Variants in CCSER1 observed in about 807,000 individuals in gnomAD.
CCSER1 encodes coiled-coil serine rich protein 1, also known as serine-rich coiled-coil domain-containing protein 1.
A neutral mutation model predicts 82.0 loss-of-function variants in CCSER1; 41 were observed. The observed-to-expected ratio is 0.50, with a 90% CI of 0.39 to 0.65. CCSER1 has a LOEUF of 0.65. Among genes scored for constraint, CCSER1 ranks in the 30% least tolerant of loss-of-function variants. The pLI is 0.00. For missense variants in CCSER1, 1,119 were observed against 1,064.2 expected (o/e 1.05, Z -0.72); for synonymous variants, 414 against 383.9 (o/e 1.08, Z -0.92).
intron 10 of CCSER1, among the ~76,000 whole-genome samples, chr4:91,411,485 T>TATAGAC (rs1753018871): frequency 2.0e-5 from 1 of 50,450 alleles, no homozygotes; most frequent in Non-Finnish European, 4.4e-5. Flanking sequence ...AATTTCTGCA[T>TATAGAC]ATATACATAT....
intron 1 of CCSER1, among the ~76,000 whole-genome samples, chr4:90,279,055 T>A (rs1045798397): frequency 2.6e-5 from 4 of 152,070 alleles, no homozygotes; most frequent in Admixed American, 2.6e-4. Flanking sequence ...TACATTATAT[T>A]CTATAATGGC....
At position 91,507,489 on chromosome 4, in the gene CCSER1, C is replaced by T. The variant is rs556122419; in HGVS notation, c.2218-91083C>T. Among the ~76,000 whole-genome samples, 15 of 151,974 alleles carry T rather than the reference C, an allele frequency of 9.9e-5. No individual in the cohort carries two copies. In the South Asian group the frequency reaches 1.5e-3, roughly 15 times the overall value. The stretch of plus-strand genomic sequence containing the variant: ...TGTTGCCCTGGCTGGAGTGCAGTGA[C>T]GCGATCTCGGCTCACTGCAAGCTCT... On this transcript the variant is annotated intron_variant, in intron 10 of 10. Transcript: ENST00000509176.
At chr4:90,466,202 G>T (rs570476688) in intron 4 of CCSER1, among the ~76,000 whole-genome samples, 1 of 152,164 alleles carries the variant, frequency 6.6e-6, no homozygotes, top group Non-Finnish European at 1.5e-5. Flanking sequence ...AAATAATGTG[G>T]GTAGGCCTCA....
intron 7 of CCSER1, among the ~76,000 whole-genome samples, chr4:90,808,903 G>A (rs1422230587): frequency 6.6e-6 from 1 of 152,074 alleles, no homozygotes; most frequent in Non-Finnish European, 1.5e-5. Flanking sequence ...CTACCCAAAG[G>A]AAAAGAAATC....
At chr4:90,775,414 G>A (rs1054421202) in intron 7 of CCSER1, among the ~76,000 whole-genome samples, 5 of 152,172 alleles carry the variant, frequency 3.3e-5, no homozygotes. Flanking sequence ...CAGTTTTACA[G>A]TAAAAGAGAT....
chr4:90,800,932 G>A (rs1235171590), intron 7 of CCSER1, among the ~76,000 whole-genome samples: 1 of 152,080 alleles, frequency 6.6e-6, no homozygotes, highest in African/African-American at 2.4e-5. Flanking sequence ...GACTTGAGTA[G>A]TGTTTTTATA....
intron 10 of CCSER1, among the ~76,000 whole-genome samples, chr4:91,423,562 C>A (rs1172553258): frequency 6.6e-6 from 1 of 152,034 alleles, no homozygotes; most frequent in Non-Finnish European, 1.5e-5. Flanking sequence ...AAAGAACAGG[C>A]TTGAAACTAA....
intron 10 of CCSER1, among the ~76,000 whole-genome samples, chr4:91,588,462 G>A (rs953294032): frequency 4.0e-5 from 6 of 151,608 alleles, no homozygotes; most frequent in Non-Finnish European, 8.9e-5. Flanking sequence ...TAACTTGTAT[G>A]TAATGATATT....
rs549375105 is a variant in CCSER1, at chr4:90,881,469, G to T, written c.2095-41901G>T. 2.0e-5 allele frequency among the ~76,000 whole-genome samples: 3 copies of T among 152,254 alleles called. No homozygotes were observed. The South Asian group carries it at 6.2e-4, about 32-fold the overall frequency. ...TCCTTATGATTATCCTCAATTTAAA[G>T]AAAAACATATGTACACACACTGCCA... On this transcript the variant is annotated intron_variant, in intron 8 of 10. Transcript: ENST00000509176.
intron 10 of CCSER1, among the ~76,000 whole-genome samples, chr4:91,220,118 C>T (rs1737617255): frequency 6.6e-6 from 1 of 152,144 alleles, no homozygotes; most frequent in Non-Finnish European, 1.5e-5. Context: ...AACTGTTGAA[C>T]TATACTGGGC....
At chr4:91,116,544 G>C (rs1252360891) in intron 10 of CCSER1, among the ~76,000 whole-genome samples, 1 of 152,162 alleles carries the variant, frequency 6.6e-6, no homozygotes, top group African/African-American at 2.4e-5. Context: ...GACAGTTGTG[G>C]TATCTACTTC....
At chr4:91,580,441 T>G (rs1364837863) in intron 10 of CCSER1, among the ~76,000 whole-genome samples, 2 of 151,716 alleles carry the variant, frequency 1.3e-5, no homozygotes, top group Non-Finnish European at 2.9e-5. Flanking sequence ...CACTTTTATA[T>G]ATGTGGAAAT....
At chr4:90,979,822 C>T (rs2150417817) in intron 9 of CCSER1, among the ~76,000 whole-genome samples, 1 of 151,806 alleles carries the variant, frequency 6.6e-6, no homozygotes, top group Admixed American at 6.6e-5. Context: ...AAGATACTCT[C>T]CCTGTGTTAA....
At chr4:91,458,376 A>G (rs765577940) in intron 10 of CCSER1, among the ~76,000 whole-genome samples, 32 of 152,092 alleles carry the variant, frequency 2.1e-4, no homozygotes, top group Non-Finnish European at 1.0e-4. Flanking sequence ...CCATTGGTCT[A>G]TGTGTCTATC....
At chr4:91,559,098 C>T (rs1455640356) in intron 10 of CCSER1, among the ~76,000 whole-genome samples, 2 of 151,382 alleles carry the variant, frequency 1.3e-5, no homozygotes, top group Non-Finnish European at 3.0e-5. Context: ...AAGTATGTGT[C>T]ATCTAATATT....
intron 10 of CCSER1, among the ~76,000 whole-genome samples, chr4:91,554,117 T>C (rs1394781196): frequency 6.6e-6 from 1 of 151,712 alleles, no homozygotes; most frequent in Non-Finnish European, 1.5e-5. Flanking sequence ...ACGTATTGAT[T>C]TTCCTTTTGA....
chr4:91,171,154 A>G (rs1320028453), intron 10 of CCSER1, among the ~76,000 whole-genome samples: 1 of 152,218 alleles, frequency 6.6e-6, no homozygotes, highest in East Asian at 1.9e-4. Context: ...CATTCAAAAC[A>G]GGGCTCTAAA....
At chr4:90,265,196 A>C (rs1309107635) in intron 1 of CCSER1, among the ~76,000 whole-genome samples, 1 of 151,890 alleles carries the variant, frequency 6.6e-6, no homozygotes, top group African/African-American at 2.4e-5. Context: ...ATACCTACCT[A>C]TATTCCTGAG....
intron 8 of CCSER1, among the ~76,000 whole-genome samples, chr4:90,896,564 C>T (rs888527364): frequency 6.6e-5 from 10 of 151,760 alleles, no homozygotes; most frequent in African/African-American, 2.4e-4. Flanking sequence ...AGTTAGTGTA[C>T]ATACAGCTGG....
Sources: gnomAD v4.1 joint callset for allele counts (sites outside exome capture counted in the v4.1 genomes callset) on GRCh38, gnomAD v4.1.1 for gene constraint, MANE v1.5 for transcripts, NCBI Gene and HGNC (gene_info 2026-07-23, HGNC 2026-07-21) for gene names.